BIK: variants seen among roughly 807,000 people sequenced by gnomAD.
BIK encodes the protein bcl-2-interacting killer.
BIK carries 14 observed loss-of-function variants against 12.1 expected under a neutral mutation model. That is an observed-to-expected ratio of 1.16 (90% CI 0.77 to 1.81). The LOEUF is 1.81. BIK is among the 40% of genes most tolerant of loss of function. The pLI, the probability that BIK is intolerant of heterozygous loss-of-function variation, is 0.00. For missense variants in BIK, 215 were observed against 207.9 expected (o/e 1.03, Z -0.21); for synonymous variants, 86 against 92.3 (o/e 0.93, Z 0.39).
chr22:43,128,332 G>C lies in BIK; in HGVS notation c.261-164G>C, dbSNP rs555903648. 1.3e-5 allele frequency among the ~76,000 whole-genome samples: 2 copies of C among 152,184 alleles called. 1 individual carries two copies. The highest frequency in any genetic ancestry group is 4.1e-4 in the South Asian group (2 of 4,826). ...TGACCACAAACAGTCCATACCACGC[G>C]GCCCCTGCAGGTGGAGGCGCCCACG... On this transcript the variant is annotated intron_variant, in intron 3 of 4. Transcript: ENST00000216115.
intron 1 of BIK, among the ~76,000 whole-genome samples, chr22:43,112,688 A>G (rs993267067): frequency 4.0e-5 from 6 of 151,420 alleles, no homozygotes; most frequent in Admixed American, 1.3e-4. Flanking sequence ...TGAGCTCAGG[A>G]GACTAGACTG....
At chr22:43,127,573 T>C in intron 2 of BIK, 124 bp from the exon 3 acceptor site, 1 of 838,272 alleles carries the variant, frequency 1.2e-6, no homozygotes, top group Non-Finnish European at 1.9e-6. Flanking sequence ...CTGCCCCAAA[T>C]CTGACACCAT....
At chr22:43,111,587 GCCT>G (rs1248108677) in intron 1 of BIK, among the ~76,000 whole-genome samples, 1 of 152,190 alleles carries the variant, frequency 6.6e-6, no homozygotes, top group African/African-American at 2.4e-5. Context: ...CTGGGCTCTG[GCCT>G]CCTAAATGCG....
chr22:43,116,732 C>T (rs1300230832), intron 1 of BIK, among the ~76,000 whole-genome samples: 1 of 152,212 alleles, frequency 6.6e-6, no homozygotes, highest in Non-Finnish European at 1.5e-5. Context: ...GCTGGGATTA[C>T]AGGCGTAAGC....
intron 1 of BIK, among the ~76,000 whole-genome samples, chr22:43,118,437 TCA>T (rs2147020344): frequency 6.6e-6 from 1 of 152,292 alleles, no homozygotes; most frequent in Non-Finnish European, 1.5e-5. Context: ...TCTGCAAGGC[TCA>T]GAGGTGAGCT....
At chr22:43,119,724 C>G (rs1204340582) in intron 1 of BIK, among the ~76,000 whole-genome samples, 1 of 152,118 alleles carries the variant, frequency 6.6e-6, no homozygotes, top group Non-Finnish European at 1.5e-5. Flanking sequence ...TACCCATCCT[C>G]TCAGTACTTT....
intron 2 of BIK, among the ~76,000 whole-genome samples, chr22:43,127,315 C>A (rs1569467733): frequency 6.6e-6 from 1 of 152,094 alleles, no homozygotes; most frequent in Non-Finnish European, 1.5e-5. Flanking sequence ...GCTCAGCCAT[C>A]CGGGGGACTC....
chr22:43,120,768 G>T (rs1930204730), intron 1 of BIK, among the ~76,000 whole-genome samples: 1 of 152,236 alleles, frequency 6.6e-6, no homozygotes, highest in African/African-American at 2.4e-5. Context: ...CCTAAGGCCA[G>T]CCTAGGCCCA....
Position 43,114,703 on chromosome 22 carries a change from C to G in BIK, c.-8+3900C>G, listed in dbSNP as rs548509785. On this transcript the variant is annotated intron_variant, in intron 1 of 4. Coordinates refer to ENST00000216115, the MANE Select transcript of BIK (RefSeq NM_001197.5). ...CTGATTCCAGGAGGAGCTGAAATTCCCTGTGCAGACAATGGCGCATCATGA... is the reference window on the plus strand; with the variant it reads ...CTGATTCCAGGAGGAGCTGAAATTCGCTGTGCAGACAATGGCGCATCATGA... 6.6e-5 allele frequency among the ~76,000 whole-genome samples: 10 copies of G among 152,296 alleles called. No homozygotes were observed. The South Asian group carries it at 1.9e-3, about 28-fold the overall frequency.
intron 1 of BIK, among the ~76,000 whole-genome samples, chr22:43,116,791 T>C (rs1174864476): frequency 2.0e-5 from 3 of 152,120 alleles, no homozygotes; most frequent in Admixed American, 2.0e-4. Context: ...AATACAAAAT[T>C]AGCCAGGTGT....
intron 1 of BIK, among the ~76,000 whole-genome samples, chr22:43,120,129 C>T (rs375081419): frequency 2.3e-4 from 35 of 152,298 alleles, no homozygotes; most frequent in East Asian, 5.8e-4. Context: ...GTGGTTAGCG[C>T]GGGAACCAAG....
intron 2 of BIK, among the ~76,000 whole-genome samples, chr22:43,126,188 CTTT>C (rs549572600): frequency 7.3e-6 from 1 of 137,142 alleles, no homozygotes; most frequent in Non-Finnish European, 1.6e-5. Context: ...GCATGCCCGG[CTTT>C]TTTTTTTTTT....
At chr22:43,117,659 C>A (rs966072499) in intron 1 of BIK, among the ~76,000 whole-genome samples, 1 of 151,720 alleles carries the variant, frequency 6.6e-6, no homozygotes, top group African/African-American at 2.4e-5. Context: ...CGTGAGCCAC[C>A]GCGCCCGGCC....
chr22:43,125,815 G>C (rs191788082), intron 2 of BIK, among the ~76,000 whole-genome samples: 26 of 152,236 alleles, frequency 1.7e-4, no homozygotes, highest in African/African-American at 6.3e-4. Flanking sequence ...TCCTGGTCCC[G>C]GCTTCAAAGA....
intron 3 of BIK, 30 bp downstream of exon 3, chr22:43,127,825 C>T (rs1441239644): frequency 3.3e-6 from 5 of 1,531,976 alleles, no homozygotes; most frequent in African/African-American, 1.4e-5. Flanking sequence ...TGCCTCTACA[C>T]CTGGGGAGGG....
intron 4 of BIK, 146 bp from the exon 5 acceptor site, chr22:43,129,067 C>T (rs1248742528): frequency 2.8e-6 from 4 of 1,436,014 alleles, no homozygotes; most frequent in African/African-American, 1.4e-5. Flanking sequence ...CTTTCCCCCT[C>T]TCCTGAACTC....
intron 1 of BIK, among the ~76,000 whole-genome samples, chr22:43,118,509 C>T (rs1054423748): frequency 6.6e-6 from 1 of 152,200 alleles, no homozygotes; most frequent in Non-Finnish European, 1.5e-5. Flanking sequence ...TCCAGCCTGG[C>T]TGCAGGCTCA....
At chr22:43,128,080 T>A (rs1306346361) in intron 3 of BIK, among the ~76,000 whole-genome samples, 2 of 151,974 alleles carry the variant, frequency 1.3e-5, no homozygotes, top group African/African-American at 2.4e-5. Context: ...ATGGTACATT[T>A]CCACCGTGGT....
intron 1 of BIK, among the ~76,000 whole-genome samples, chr22:43,113,895 T>C (rs1930060051): frequency 1.3e-5 from 2 of 152,224 alleles, no homozygotes; most frequent in South Asian, 2.1e-4. Context: ...CCAGTCTTAC[T>C]GTTGGTGGTC....
Sources: allele counts gnomAD v4.1 joint callset (sites outside exome capture counted in the v4.1 genomes callset), GRCh38; gene constraint gnomAD v4.1.1; transcripts MANE v1.5; gene names NCBI Gene and HGNC (gene_info 2026-07-23, HGNC 2026-07-21).